Variants in SHANK2 observed in about 807,000 individuals in gnomAD.
SHANK2 encodes the protein SH3 and multiple ankyrin repeat domains 2.
In SHANK2, 43 loss-of-function variants were observed where a neutral mutation model predicts 133.7. The ratio of observed to expected loss-of-function variants is 0.32; its 90% CI spans 0.25 to 0.41. The LOEUF (loss-of-function observed/expected upper bound fraction) is 0.41, where lower values mean the gene tolerates loss of function less well. Among genes scored for constraint, SHANK2 ranks in the 10% least tolerant of loss-of-function variants. The pLI is 1.00. For missense variants in SHANK2, 1,994 were observed against 2,235.8 expected (o/e 0.89, Z 2.18); for synonymous variants, 1,017 against 952.8 (o/e 1.07, Z -1.24).
intron 9 of SHANK2, among the ~76,000 whole-genome samples, chr11:71,073,781 T>C (rs1037375152): frequency 5.3e-5 from 8 of 152,304 alleles, no homozygotes; most frequent in Admixed American, 2.6e-4. Flanking sequence ...CCTGCTTTTT[T>C]CATGTGATGG....
intron 14 of SHANK2, among the ~76,000 whole-genome samples, chr11:70,757,015 G>A (rs1486917117): frequency 6.6e-6 from 1 of 152,200 alleles, no homozygotes; most frequent in Admixed American, 6.5e-5. Flanking sequence ...CATGATATTG[G>A]ACGTTTGGCA....
intron 17 of SHANK2, among the ~76,000 whole-genome samples, chr11:70,635,888 C>T (rs1300696021): frequency 2.0e-5 from 3 of 152,238 alleles, no homozygotes; most frequent in Admixed American, 2.0e-4. Context: ...AATGGCTCCC[C>T]ATTGCCCTAG....
At chr11:71,206,111 C>T (rs986685324) in intron 2 of SHANK2, among the ~76,000 whole-genome samples, 4 of 151,764 alleles carry the variant, frequency 2.6e-5, no homozygotes, top group Non-Finnish European at 4.4e-5. Flanking sequence ...GGAAAGAATA[C>T]GCGAACTCAC....
At chr11:70,940,701 C>A (rs1950635125) in intron 10 of SHANK2, among the ~76,000 whole-genome samples, 1 of 152,172 alleles carries the variant, frequency 6.6e-6, no homozygotes, top group Non-Finnish European at 1.5e-5. Flanking sequence ...GTGACAGCAA[C>A]ACCCTGACGA....
intron 2 of SHANK2, among the ~76,000 whole-genome samples, chr11:71,154,330 C>T (rs1438636864): frequency 2.6e-5 from 4 of 152,170 alleles, no homozygotes; most frequent in African/African-American, 7.2e-5. Context: ...AGAAAATTGC[C>T]GTTCTAAGAG....
intron 25 of SHANK2, among the ~76,000 whole-genome samples, chr11:70,478,178 CTT>C (rs201773776): frequency 4.2e-5 from 6 of 144,554 alleles, no homozygotes; most frequent in Admixed American, 2.1e-4. Flanking sequence ...TTCAATTTGG[CTT>C]TTTTTTTTTT....
At chr11:70,862,481 GGACTGGCTGATGGACAGGACTA>G (rs1555067992) in intron 11 of SHANK2, among the ~76,000 whole-genome samples, 2 of 152,228 alleles carry the variant, frequency 1.3e-5, no homozygotes, top group Non-Finnish European at 2.9e-5. Context: ...AGCCTGGACT[GGACTGGCTGATGGACAGGACTA>G]GACTGGCTGA....
At position 70,718,109 on chromosome 11, in the gene SHANK2, G is replaced by C. The variant is rs890084466; in HGVS notation, c.1778-19346C>G. On this transcript the variant is annotated intron_variant, in intron 14 of 25. Coordinates refer to ENST00000601538, the MANE Select transcript of SHANK2 (RefSeq NM_012309.5). Reference sequence around the variant, plus strand: ...ACTAGTCTAAATAAGTACGGGTGAAGGACGCCTGAAAAACCAGTGCAATTA... The same window carrying C: ...ACTAGTCTAAATAAGTACGGGTGAACGACGCCTGAAAAACCAGTGCAATTA... 2.0e-5 allele frequency among the ~76,000 whole-genome samples: 3 copies of C among 152,204 alleles called. No individual in the cohort carries two copies. The South Asian group carries it at 6.2e-4, about 31-fold the overall frequency.
At chr11:70,626,415 C>T (rs1042414716) in intron 17 of SHANK2, among the ~76,000 whole-genome samples, 4 of 152,198 alleles carry the variant, frequency 2.6e-5, no homozygotes, top group Admixed American at 6.5e-5. Context: ...CATATCACAG[C>T]GAAGCCTGGT....
chr11:70,744,274 G>A (rs118184013), intron 14 of SHANK2, among the ~76,000 whole-genome samples: 45 of 152,324 alleles, frequency 3.0e-4, no homozygotes, highest in Admixed American at 4.6e-4. Context: ...TTGTGGGCTC[G>A]GGCGATCAGA....
chr11:70,564,040 C>T (rs929421559), intron 17 of SHANK2, among the ~76,000 whole-genome samples: 1 of 152,070 alleles, frequency 6.6e-6, no homozygotes. Flanking sequence ...TCATGTGTCA[C>T]GTGTCCTTTT....
At chr11:70,947,270 T>C (rs1950762090) in intron 10 of SHANK2, among the ~76,000 whole-genome samples, 1 of 150,752 alleles carries the variant, frequency 6.6e-6, no homozygotes, top group Non-Finnish European at 1.5e-5. Context: ...TAAGAACCCA[T>C]CAACTTCCAG....
intron 14 of SHANK2, among the ~76,000 whole-genome samples, chr11:70,747,074 C>T (rs1272220978): frequency 6.6e-6 from 1 of 151,370 alleles, no homozygotes; most frequent in Non-Finnish European, 1.5e-5. Context: ...AGTCTCTTCC[C>T]CTGGCTCATC....
intron 6 of SHANK2, among the ~76,000 whole-genome samples, chr11:71,101,118 C>T (rs1388974839): frequency 2.0e-5 from 3 of 152,174 alleles, no homozygotes; most frequent in African/African-American, 7.2e-5. Flanking sequence ...CCAGTGCATG[C>T]TGTCAATAAC....
chr11:70,715,285 C>T (rs556223415), intron 14 of SHANK2, among the ~76,000 whole-genome samples: 4 of 152,306 alleles, frequency 2.6e-5, no homozygotes, highest in South Asian at 2.1e-4. Flanking sequence ...GTCACCCAGC[C>T]GGGAAGGGAG....
chr11:70,780,273 G>C (rs1370702132), intron 14 of SHANK2, among the ~76,000 whole-genome samples: 1 of 152,134 alleles, frequency 6.6e-6, no homozygotes, highest in Non-Finnish European at 1.5e-5. Context: ...ATAATGACCA[G>C]AGAAGCCCTT....
At chr11:70,763,109 C>A (rs930476491) in intron 14 of SHANK2, among the ~76,000 whole-genome samples, 10 of 152,290 alleles carry the variant, frequency 6.6e-5, no homozygotes, top group Middle Eastern at 6.8e-3. Context: ...ATTGGCTGTG[C>A]GACCTGGAAC....
intron 25 of SHANK2, chr11:70,474,030 CT>C: frequency 5.4e-6 from 1 of 186,028 alleles, no homozygotes; most frequent in Non-Finnish European, 1.2e-5. Flanking sequence ...CAGGTGGCCC[CT>C]TTCAGTAACT....
intron 3 of SHANK2, among the ~76,000 whole-genome samples, chr11:71,123,553 G>A (rs1334206829): frequency 6.6e-6 from 1 of 152,186 alleles, no homozygotes; most frequent in Admixed American, 6.5e-5. Flanking sequence ...AGTCTAGCAG[G>A]TGGATGGCCC....
Sources: allele counts gnomAD v4.1 joint callset (sites outside exome capture counted in the v4.1 genomes callset), GRCh38; gene constraint gnomAD v4.1.1; transcripts MANE v1.5; gene names NCBI Gene and HGNC (gene_info 2026-07-23, HGNC 2026-07-21).